Variants in PPHLN1 observed in about 807,000 individuals in gnomAD.
PPHLN1 encodes periphilin-1.
In PPHLN1, 29 loss-of-function variants were observed where a neutral mutation model predicts 51.3. That is an observed-to-expected ratio of 0.57 (90% confidence interval 0.42 to 0.77). The LOEUF (loss-of-function observed/expected upper bound fraction) is 0.77. PPHLN1 is among the 30% of genes least tolerant of loss of function. The probability of loss-of-function intolerance (pLI) is 0.00; values close to 1 mark genes in which losing one functional copy is unlikely to be tolerated. For missense variants in PPHLN1, 436 were observed against 438.4 expected (o/e 0.99, Z 0.05); for synonymous variants, 147 against 147.8 (o/e 0.99, Z 0.04).
chr12:42,388,272 T>C (rs1208572108), intron 7 of PPHLN1, among the ~76,000 whole-genome samples: 3 of 152,206 alleles, frequency 2.0e-5, no homozygotes, highest in African/African-American at 7.2e-5. Flanking sequence ...TGTTCAGTTC[T>C]GAGATAGGAG....
At chr12:42,405,235 T>G (rs192673424) in intron 9 of PPHLN1, among the ~76,000 whole-genome samples, 17 of 152,356 alleles carry the variant, frequency 1.1e-4, no homozygotes, top group African/African-American at 3.8e-4. Context: ...TACTTTCCCC[T>G]TCATCTGTCA....
chr12:42,385,976 AG>A (rs1449701812), intron 6 of PPHLN1, among the ~76,000 whole-genome samples: 1 of 152,244 alleles, frequency 6.6e-6, no homozygotes, highest in African/African-American at 2.4e-5. Flanking sequence ...TTTGGGATAC[AG>A]TAGTGGTGCT....
At chr12:42,384,895 C>T (rs998389124) in intron 5 of PPHLN1, 45 bp from the exon 6 acceptor site, 10 of 1,524,344 alleles carry the variant, frequency 6.6e-6, no homozygotes, top group Middle Eastern at 1.7e-4. Context: ...TCCTCTTGGG[C>T]ACAGAGGTGC....
chr12:42,404,528 T>TCAACAA lies in PPHLN1; in HGVS notation c.909+5553_909+5558dup, dbSNP rs143140913. Among the ~76,000 whole-genome samples the TCAACAA allele has an allele frequency of 3.1e-3, 475 of 151,008 alleles. 3 individuals carry two copies. Among genetic ancestry groups the TCAACAA allele is most frequent in the Non-Finnish European group, 5.7e-3 (387 of 67,866 alleles). ...TGGGCAACAAGAGCAAAACTCCGTC[T>TCAACAA]CAACAACAACAACAACAACAACAAA... On this transcript the variant is annotated intron_variant, in intron 9 of 9. Transcript: ENST00000358314.
intron 9 of PPHLN1, among the ~76,000 whole-genome samples, chr12:42,401,975 C>T (rs2078885498): frequency 6.6e-6 from 1 of 152,110 alleles, no homozygotes. Context: ...CCACCTCACC[C>T]TCCTGAGTAG....
At chr12:42,411,850 G>A (rs546830150) in intron 9 of PPHLN1, among the ~76,000 whole-genome samples, 1 of 144,210 alleles carries the variant, frequency 6.9e-6, no homozygotes, top group Non-Finnish European at 1.5e-5. Context: ...GTTGCAGTGT[G>A]TGGAGATCGT....
At chr12:42,432,950 T>TA (rs1224408226) in intron 9 of PPHLN1, 12 of 1,431,954 alleles carry the variant, frequency 8.4e-6, no homozygotes, top group Middle Eastern at 1.8e-4. Flanking sequence ...TTCTGGATGG[T>TA]AAAAAATTCT....
In PPHLN1 at chr12:42,441,538, A is replaced by AG. The variant is rs758395117; in HGVS notation, c.*29_*30insG. On this transcript the variant is annotated 3_prime_UTR_variant, in exon 10 of 10. Coordinates refer to ENST00000358314, the MANE Select transcript of PPHLN1 (RefSeq NM_201439.2). The stretch of plus-strand genomic sequence containing the variant: ...TTTCTGCTCAGGCTAAAAAAAAAAA[A>AG]AAACAGTTTCTAAAAATTTTTTTTC... 3 of 1,522,518 alleles carry AG rather than the reference A, an allele frequency of 2.0e-6. No individual in the cohort carries two copies. The highest frequency in any genetic ancestry group is 4.6e-5 in the East Asian group (2 of 43,734). The allele number at this position is 1,522,518 out of a possible 1,614,324, so 94.3% of individuals were successfully genotyped here.
chr12:42,431,723 A>G, intron 9 of PPHLN1: 1 of 1,074,522 alleles, frequency 9.3e-7, no homozygotes, highest in Non-Finnish European at 1.5e-6. Context: ...TTAAGGTATT[A>G]ATCTTTTCTT....
At chr12:42,415,592 T>C (rs1301210851) in intron 9 of PPHLN1, among the ~76,000 whole-genome samples, 1 of 152,234 alleles carries the variant, frequency 6.6e-6, no homozygotes, top group Non-Finnish European at 1.5e-5. Context: ...CTCGAGGTAA[T>C]GTCTGTCATC....
chr12:42,420,709 C>G (rs1296948822), intron 9 of PPHLN1, among the ~76,000 whole-genome samples: 1 of 138,296 alleles, frequency 7.2e-6, no homozygotes, highest in Non-Finnish European at 1.6e-5. Context: ...CCCTCCCTCT[C>G]TCTCTCTCTC....
intron 9 of PPHLN1, among the ~76,000 whole-genome samples, chr12:42,428,241 C>G (rs181520324): frequency 6.6e-6 from 1 of 152,290 alleles, no homozygotes; most frequent in Admixed American, 6.5e-5. Flanking sequence ...CCATTTGATC[C>G]AGCAATCCCA....
intron 1 of PPHLN1, among the ~76,000 whole-genome samples, chr12:42,331,066 CA>C (rs1424928000): frequency 1.3e-5 from 2 of 152,188 alleles, no homozygotes; most frequent in African/African-American, 4.8e-5. Flanking sequence ...GACACAGTAA[CA>C]GTCCGATCTC....
At chr12:42,429,948 TA>T (rs1474148197) in intron 9 of PPHLN1, among the ~76,000 whole-genome samples, 7 of 152,228 alleles carry the variant, frequency 4.6e-5, no homozygotes, top group Admixed American at 4.6e-4. Context: ...TAATAAGAAA[TA>T]TATATTTGGC....
chr12:42,380,746 A>G (rs2076689102), intron 5 of PPHLN1, among the ~76,000 whole-genome samples: 1 of 152,166 alleles, frequency 6.6e-6, no homozygotes, highest in South Asian at 2.1e-4. Context: ...AGGTAATAGG[A>G]ATATAGAAAT....
intron 2 of PPHLN1, among the ~76,000 whole-genome samples, chr12:42,346,332 A>T (rs776795499): frequency 6.6e-6 from 1 of 151,240 alleles, no homozygotes; most frequent in Non-Finnish European, 1.5e-5. Context: ...TTATCATGCA[A>T]TATTTTTTTG....
intron 4 of PPHLN1, among the ~76,000 whole-genome samples, chr12:42,360,701 G>A (rs2074576778): frequency 6.6e-6 from 1 of 151,788 alleles, no homozygotes; most frequent in Non-Finnish European, 1.5e-5. Context: ...CATTATGTTG[G>A]CCAGGCTGCT....
chr12:42,387,983 C>A (rs2077333661), intron 7 of PPHLN1, among the ~76,000 whole-genome samples: 1 of 152,192 alleles, frequency 6.6e-6, no homozygotes, highest in African/African-American at 2.4e-5. Context: ...ATTCTCTAGT[C>A]TCGATAAACC....
chr12:42,445,502 T>G (rs1277377787), downstream of PPHLN1: 2 of 201,518 alleles, frequency 9.9e-6, no homozygotes, highest in Non-Finnish European at 2.0e-5. Context: ...CTCACCTAAT[T>G]AGCGCACATG....
Sources: gnomAD v4.1 joint callset for allele counts (sites outside exome capture counted in the v4.1 genomes callset) on GRCh38, gnomAD v4.1.1 for gene constraint, MANE v1.5 for transcripts, NCBI Gene and HGNC (gene_info 2026-07-23, HGNC 2026-07-21) for gene names.